The following SAAL1 variants were observed in gnomAD, a reference collection of about 807,000 sequenced individuals.
The protein encoded by SAAL1 is protein SAAL1.
Under a neutral mutation model 59.8 loss-of-function variants are expected in SAAL1, and 42 were observed. That is an observed-to-expected ratio of 0.70 (90% CI 0.55 to 0.91). SAAL1 has a LOEUF of 0.91. SAAL1 is among the 40% of genes least tolerant of loss of function. SAAL1 has a pLI of 0.00. For synonymous variants in SAAL1, 191 were observed against 194.3 expected (o/e 0.98, Z 0.14); for missense variants, 542 against 561.1 (o/e 0.97, Z 0.34).
rs1848440332 is a variant in SAAL1 at position 18,084,368 on chromosome 11, G to A, written c.1043-637C>T. On this transcript the variant is annotated intron_variant, in intron 9 of 11. Coordinates refer to ENST00000524803, the MANE Select transcript of SAAL1 (RefSeq NM_138421.3). ...GCAGCCTATTAAAGCCAGCTCATGCGTAGGCAACTTCTGCTTAAAACCCAC... is the reference window on the plus strand; with the variant it reads ...GCAGCCTATTAAAGCCAGCTCATGCATAGGCAACTTCTGCTTAAAACCCAC... Among the ~76,000 whole-genome samples the A allele has an allele frequency of 2.0e-5, 3 of 152,126 alleles. No homozygotes were observed. In the South Asian group the frequency reaches 6.2e-4, roughly 32 times the overall value.
chr11:18,103,656 G>A (rs1848658668), intron 1 of SAAL1, among the ~76,000 whole-genome samples: 1 of 152,218 alleles, frequency 6.6e-6, no homozygotes, highest in Non-Finnish European at 1.5e-5. Context: ...ATCCTGTCCA[G>A]GGCTGGTTTC....
chr11:18,103,040 A>G (rs1050499186), intron 2 of SAAL1, among the ~76,000 whole-genome samples, 193 bp downstream of exon 2: 1 of 152,204 alleles, frequency 6.6e-6, no homozygotes, highest in Admixed American at 6.5e-5. Flanking sequence ...TTGAGAGCTC[A>G]AATCCTCCAG....
chr11:18,105,893 G>GC lies in SAAL1; in HGVS notation c.135+13dup. Reference sequence around the variant, plus strand: ...GATGTAGGGACACCCCACGCGTGGCGCGAGTTTCCACACCTGGATGAGTCC... The same window carrying GC: ...GATGTAGGGACACCCCACGCGTGGCGCCGAGTTTCCACACCTGGATGAGTCC... On this transcript the variant is annotated intron_variant, in intron 1 of 11. Transcript: ENST00000524803. 6.3e-7 allele frequency: 1 copy of GC among 1,584,118 alleles called. No homozygotes were observed. The highest frequency in any genetic ancestry group is 1.3e-5 in the African/African-American group (1 of 74,378).
intron 5 of SAAL1, 63 bp from the exon 6 acceptor site, chr11:18,090,353 A>T: frequency 6.4e-7 from 1 of 1,566,736 alleles, no homozygotes; most frequent in Non-Finnish European, 8.6e-7. Flanking sequence ...AGTAAAGGAA[A>T]TTCGAAAATA....
intron 1 of SAAL1, among the ~76,000 whole-genome samples, chr11:18,104,790 A>G (rs1848670767): frequency 6.6e-6 from 1 of 152,196 alleles, no homozygotes; most frequent in African/African-American, 2.4e-5. Context: ...TGAGGCTGGA[A>G]AATGTACAAA....
intron 7 of SAAL1, among the ~76,000 whole-genome samples, 172 bp from the exon 8 acceptor site, chr11:18,087,397 TA>T (rs1473044199): frequency 6.6e-6 from 1 of 152,094 alleles, no homozygotes; most frequent in Non-Finnish European, 1.5e-5. Flanking sequence ...TATATTCTAA[TA>T]GGGGAAACAG....
At chr11:18,083,363 C>T in intron 10 of SAAL1, 172 bp downstream of exon 10, 1 of 486,576 alleles carries the variant, frequency 2.1e-6, no homozygotes, top group Non-Finnish European at 3.6e-6. Context: ...GTAAATATAC[C>T]AAACCACATC....
chr11:18,092,861 A>G (rs1848536002), intron 3 of SAAL1, among the ~76,000 whole-genome samples: 1 of 152,204 alleles, frequency 6.6e-6, no homozygotes, highest in Non-Finnish European at 1.5e-5. Flanking sequence ...ACATACTGAA[A>G]CAGTATCTTA....
intron 9 of SAAL1, among the ~76,000 whole-genome samples, chr11:18,085,001 G>A (rs774334205): frequency 6.6e-6 from 1 of 152,150 alleles, no homozygotes; most frequent in Non-Finnish European, 1.5e-5. Context: ...CCTGACCTCA[G>A]GTAATCTGCC....
intron 5 of SAAL1, 35 bp from the exon 6 acceptor site, chr11:18,090,325 C>CAAA (rs747670128): frequency 4.3e-4 from 554 of 1,297,994 alleles, no homozygotes; most frequent in African/African-American, 3.4e-3. Context: ...TTCTACTTTT[C>CAAA]AAAAAAAAAA....
intron 10 of SAAL1, among the ~76,000 whole-genome samples, chr11:18,082,686 T>C (rs1848423196): frequency 6.6e-6 from 1 of 152,176 alleles, no homozygotes; most frequent in Non-Finnish European, 1.5e-5. Context: ...GGTTGGAGTG[T>C]AGTGGCACAG....
At chr11:18,094,698 A>G (rs1307683423) in intron 3 of SAAL1, among the ~76,000 whole-genome samples, 1 of 152,200 alleles carries the variant, frequency 6.6e-6, no homozygotes, top group Admixed American at 6.5e-5. Context: ...AAGGTGAGAG[A>G]CGAGTGACTG....
chr11:18,105,858 G>C (rs1300906067), intron 1 of SAAL1, 49 bp downstream of exon 1: 1 of 1,511,026 alleles, frequency 6.6e-7, no homozygotes, highest in Non-Finnish European at 8.8e-7. Context: ...CGGAGCCCCG[G>C]TGCCTGGGGG....
chr11:18,103,001 A>G (rs1271467528), intron 2 of SAAL1, among the ~76,000 whole-genome samples: 1 of 152,204 alleles, frequency 6.6e-6, no homozygotes, highest in African/African-American at 2.4e-5. Flanking sequence ...GAATACATTC[A>G]TAAGAGCTAC....
intron 10 of SAAL1, chr11:18,081,747 A>C (rs180721853): frequency 2.3e-5 from 10 of 426,560 alleles, no homozygotes; most frequent in African/African-American, 2.0e-4. Context: ...GAACACAGCC[A>C]AGACTTTTCC....
chr11:18,097,640 C>T (rs538248639), intron 2 of SAAL1, among the ~76,000 whole-genome samples: 35 of 151,924 alleles, frequency 2.3e-4, no homozygotes, highest in African/African-American at 8.4e-4. Context: ...TTACTTGAGC[C>T]CAGCTTGGGC....
chr11:18,092,550 C>T (rs923759545), intron 3 of SAAL1, among the ~76,000 whole-genome samples: 1 of 151,952 alleles, frequency 6.6e-6, no homozygotes, highest in South Asian at 2.1e-4. Context: ...AGGAGCTATG[C>T]GAGAAGAACT....
chr11:18,099,090 T>A (rs1394737887), intron 2 of SAAL1, among the ~76,000 whole-genome samples: 1 of 152,156 alleles, frequency 6.6e-6, no homozygotes, highest in Non-Finnish European at 1.5e-5. Context: ...ATGAGTCTGA[T>A]TTGAGCCTAT....
At chr11:18,096,679 AAGAAAAT>A in intron 3 of SAAL1, 85 bp downstream of exon 3, 1 of 740,912 alleles carries the variant, frequency 1.3e-6, no homozygotes, top group South Asian at 1.5e-5. Flanking sequence ...TATGGTCAGT[AAGAAAAT>A]CAAAGTGAGA....
Sources: allele counts gnomAD v4.1 joint callset (sites outside exome capture counted in the v4.1 genomes callset), GRCh38; gene constraint gnomAD v4.1.1; transcripts MANE v1.5; gene names NCBI Gene and HGNC (gene_info 2026-07-23, HGNC 2026-07-21).